The following TDP1 variants were observed in gnomAD, a reference collection of about 807,000 sequenced individuals.
The protein encoded by TDP1 is tyrosyl-DNA phosphodiesterase 1.
In TDP1, 64 loss-of-function variants were observed where a neutral mutation model predicts 81.5. That is an observed-to-expected ratio of 0.79 (90% CI 0.64 to 0.97). TDP1 has a LOEUF of 0.97. TDP1 is among the 50% of genes least tolerant of loss of function. The pLI is 0.00. For missense variants in TDP1, 723 were observed against 743.8 expected (o/e 0.97, Z 0.33); for synonymous variants, 256 against 264.3 (o/e 0.97, Z 0.30).
At chr14:90,023,029 C>T (rs1461433129) in intron 15 of TDP1, 9 of 762,682 alleles carry the variant, frequency 1.2e-5, no homozygotes, top group South Asian at 1.1e-4. Context: ...TGCTGTCTTC[C>T]AGGCCCCTGC....
At chr14:89,964,659 GGTT>G (rs1255620710) in intron 3 of TDP1, among the ~76,000 whole-genome samples, 8 of 152,118 alleles carry the variant, frequency 5.3e-5, no homozygotes, top group African/African-American at 1.9e-4. Flanking sequence ...GTGTTCTACA[GGTT>G]GTTTTCTTTT....
intron 10 of TDP1, among the ~76,000 whole-genome samples, chr14:89,988,083 T>G (rs964119403): frequency 6.6e-6 from 1 of 152,054 alleles, no homozygotes; most frequent in African/African-American, 2.4e-5. Context: ...ACACTTAACA[T>G]TTACTGCTTT....
Position 90,043,747 on chromosome 14 carries a change from T to C in TDP1, c.*604T>C, listed in dbSNP as rs1400649218. On this transcript the variant is annotated 3_prime_UTR_variant, in exon 17 of 17. Coordinates refer to ENST00000335725, the MANE Select transcript of TDP1 (RefSeq NM_018319.4). ...GTTCAGATTTTCAGATTAGGGATGCTCAAATCTATATAGATATAAAATTAT... is the reference window on the plus strand; with the variant it reads ...GTTCAGATTTTCAGATTAGGGATGCCCAAATCTATATAGATATAAAATTAT... 6.4e-6 allele frequency: 1 copy of C among 156,014 alleles called. No individual in the cohort carries two copies. Among genetic ancestry groups the C allele is most frequent in the Non-Finnish European group, 1.4e-5 (1 of 73,076 alleles). 9.7% of individuals were successfully genotyped at this position (156,014 alleles called of 1,614,324 possible).
chr14:89,967,215 G>C, intron 4 of TDP1, 152 bp from the exon 5 acceptor site: 1 of 1,391,026 alleles, frequency 7.2e-7, no homozygotes, highest in Non-Finnish European at 1.0e-6. Flanking sequence ...AGGTTTGTTA[G>C]TATTGCAGCA....
Position 90,027,460 on chromosome 14 carries a change from C to A in TDP1, c.1645-5646C>A, listed in dbSNP as rs539391462. 1.2e-3 allele frequency among the ~76,000 whole-genome samples: 183 copies of A among 152,022 alleles called. 1 individual carries two copies. Among genetic ancestry groups the A allele is most frequent in the African/African-American group, 3.9e-3 (163 of 41,488 alleles). On this transcript the variant is annotated intron_variant, in intron 15 of 16. Transcript: ENST00000335725. ...CCACTGTGAGCTGGAACAGCATGTC[C>A]CCCAGGCTCCAGCCACCCACAAGTA...
intron 6 of TDP1, among the ~76,000 whole-genome samples, chr14:89,974,044 GCAAATAGT>G (rs1566859134): frequency 1.3e-5 from 2 of 152,144 alleles, no homozygotes; most frequent in Admixed American, 6.5e-5. Context: ...GTCCCTCTCT[GCAAATAGT>G]CACATTGGAA....
chr14:90,030,256 T>C (rs1469544725), intron 15 of TDP1, among the ~76,000 whole-genome samples: 1 of 152,220 alleles, frequency 6.6e-6, no homozygotes, highest in Non-Finnish European at 1.5e-5. Context: ...CTCCTCTGTG[T>C]CAGTGCCCTC....
intron 6 of TDP1, among the ~76,000 whole-genome samples, chr14:89,973,371 GT>G (rs1893878083): frequency 6.6e-6 from 1 of 152,130 alleles, no homozygotes; most frequent in Admixed American, 6.5e-5. Flanking sequence ...ACCTGTGCTC[GT>G]TTAGGAGAGT....
At chr14:90,038,638 GACCAGCTTGGCCAACATGGTGA>G (rs1888052972) in intron 16 of TDP1, among the ~76,000 whole-genome samples, 1 of 152,160 alleles carries the variant, frequency 6.6e-6, no homozygotes, top group Non-Finnish European at 1.5e-5. Flanking sequence ...AGGAATTCAA[GACCAGCTTGGCCAACATGGTGA>G]AACCCTGTCT....
At chr14:90,012,020 T>C (rs887391277) in intron 14 of TDP1, among the ~76,000 whole-genome samples, 5 of 152,224 alleles carry the variant, frequency 3.3e-5, no homozygotes, top group Admixed American at 2.0e-4. Context: ...GGAAATGGCT[T>C]TGTGGGCCAG....
chr14:90,019,235 G>A (rs556096418), intron 14 of TDP1, 81 bp from the exon 15 acceptor site: 15 of 1,296,182 alleles, frequency 1.2e-5, no homozygotes, highest in Middle Eastern at 2.6e-4. Flanking sequence ...TTTTTTGACC[G>A]GTGCTCTTGC....
At chr14:89,984,902 A>G (rs1895387163) in intron 9 of TDP1, 2 of 985,344 alleles carry the variant, frequency 2.0e-6, no homozygotes, top group Non-Finnish European at 2.4e-6. Context: ...TTAGCCTCCC[A>G]CTGGGTTACT....
intron 16 of TDP1, among the ~76,000 whole-genome samples, chr14:90,039,858 T>G (rs1013761931): frequency 1.3e-5 from 2 of 152,138 alleles, no homozygotes; most frequent in Non-Finnish European, 2.9e-5. Flanking sequence ...AACCGCATGA[T>G]GCAAGTACGA....
At position 90,033,219 on chromosome 14, in the gene TDP1, GAC is replaced by G. The variant is rs1330679060; in HGVS notation, c.1753+9_1753+10del. 6.4e-7 allele frequency: 1 copy of G among 1,553,750 alleles called. No individual in the cohort carries two copies. The highest frequency in any genetic ancestry group is 8.9e-7 in the Non-Finnish European group (1 of 1,125,490). On this transcript the variant is annotated splice_donor_region_variant and intron_variant, in intron 16 of 16. Coordinates refer to ENST00000335725, the MANE Select transcript of TDP1 (RefSeq NM_018319.4). ...CAGAACTGTATGGAAGTAAAGGTGA[GAC>G]ACAGATAAAGGAAAACCACGGGTGG...
At chr14:90,021,392 A>C (rs1294474412) in intron 15 of TDP1, among the ~76,000 whole-genome samples, 2 of 152,190 alleles carry the variant, frequency 1.3e-5, no homozygotes, top group Non-Finnish European at 2.9e-5. Context: ...TTCTCTCCCA[A>C]TAATAAGTAA....
intron 15 of TDP1, among the ~76,000 whole-genome samples, chr14:90,025,355 A>G (rs1886531038): frequency 6.6e-6 from 1 of 152,202 alleles, no homozygotes; most frequent in African/African-American, 2.4e-5. Flanking sequence ...ATTGATCTGG[A>G]GGCTGATAAG....
At chr14:89,960,621 C>T (rs1464916589) in intron 2 of TDP1, among the ~76,000 whole-genome samples, 2 of 152,178 alleles carry the variant, frequency 1.3e-5, no homozygotes, top group Non-Finnish European at 2.9e-5. Context: ...CAAGTGGCCC[C>T]AGCCCTCTCT....
Position 89,984,667 on chromosome 14 carries a change from G to C in TDP1, c.1036G>C (p.Asp346His), listed in dbSNP as rs199879149. The change falls in exon 9 of 17, where the codon GAT becomes CAT. Residue 346 changes from aspartate (D) to histidine (H), a missense_variant. By Grantham distance (81) the Asp-to-His change is moderately conservative. Transcript: ENST00000335725. ...KEWIDVIHKH[D>H]LSETNVYLIG... ...GTGGATAGATGTCATTCACAAGCAC[G>C]ATCTCTCTGAAACAAAGTATGTGTC... The C allele has an allele frequency of 2.5e-6, 4 of 1,613,852 alleles. No homozygotes were observed. In the East Asian group the frequency reaches 6.7e-5, roughly 27 times the overall value.
At chr14:90,030,589 CTT>C (rs1262303122) in intron 15 of TDP1, among the ~76,000 whole-genome samples, 1 of 152,168 alleles carries the variant, frequency 6.6e-6, no homozygotes, top group African/African-American at 2.4e-5. Flanking sequence ...GCACAAAACA[CTT>C]TCACACAGGT....
Sources: allele counts gnomAD v4.1 joint callset (sites outside exome capture counted in the v4.1 genomes callset), GRCh38; gene constraint gnomAD v4.1.1; transcripts MANE v1.5; gene names NCBI Gene and HGNC (gene_info 2026-07-23, HGNC 2026-07-21).